GRB10: variants seen among roughly 807,000 people sequenced by gnomAD.
The protein encoded by GRB10 is growth factor receptor-bound protein 10.
GRB10 carries 20 observed loss-of-function variants against 80.9 expected under a neutral mutation model. The observed-to-expected ratio is 0.25, with a 90% CI of 0.17 to 0.36. The LOEUF (loss-of-function observed/expected upper bound fraction) is 0.36. Among genes scored for constraint, GRB10 ranks in the 10% least tolerant of loss-of-function variants. The pLI is 1.00. For missense variants in GRB10, 548 were observed against 747.7 expected (o/e 0.73, Z 3.12); for synonymous variants, 291 against 291.5 (o/e 1.00, Z 0.02).
Position 50,732,377 on chromosome 7 carries a change from A to C in GRB10, c.-46-9T>G. The C allele has an allele frequency of 6.6e-7, 1 of 1,522,642 alleles. No homozygotes were observed. The allele number at this position is 1,522,642 out of a possible 1,614,324, so 94.3% of individuals were successfully genotyped here. On this transcript the variant is annotated splice_polypyrimidine_tract_variant and intron_variant, in intron 3 of 18. Coordinates refer to ENST00000401949, the MANE Select transcript of GRB10 (RefSeq NM_001350814.2). ...TTACTGCGCTGCAGCACCTGGAATA[A>C]AGACAGACTGTGAGAAGCCAAGCCA...
intron 7 of GRB10, among the ~76,000 whole-genome samples, chr7:50,637,194 C>T (rs950697378): frequency 3.3e-5 from 5 of 152,122 alleles, no homozygotes; most frequent in African/African-American, 7.2e-5. Context: ...CCAGGCTGGT[C>T]TCGAACTCCT....
At chr7:50,781,917 G>A (rs528872134) in intron 1 of GRB10, among the ~76,000 whole-genome samples, 5 of 152,312 alleles carry the variant, frequency 3.3e-5, no homozygotes, top group Non-Finnish European at 7.3e-5. Context: ...TTGACTATAC[G>A]TGTTTACTCA....
upstream of GRB10, among the ~76,000 whole-genome samples, chr7:50,784,412 G>A (rs748388154): frequency 1.1e-4 from 16 of 152,172 alleles, no homozygotes; most frequent in Non-Finnish European, 2.4e-4. Context: ...AAGGTGGCTC[G>A]AGTGTTCCTC....
intron 8 of GRB10, among the ~76,000 whole-genome samples, chr7:50,623,260 G>A (rs1411491566): frequency 1.3e-5 from 2 of 152,222 alleles, no homozygotes; most frequent in Admixed American, 6.5e-5. Flanking sequence ...AGAACCTGGG[G>A]GCAGTGCTAA....
chr7:50,714,834 C>T (rs1254345592), intron 4 of GRB10, among the ~76,000 whole-genome samples: 1 of 152,110 alleles, frequency 6.6e-6, no homozygotes, highest in East Asian at 1.9e-4. Flanking sequence ...GAGAACCAAA[C>T]CATGTGCGGC....
In GRB10 at chr7:50,674,578, A is replaced by G; in HGVS notation, c.220T>C (p.Ser74Pro). Residue 74 changes from serine (S) to proline (P), a missense_variant, in exon 6 of 19, where the codon TCA (serine) becomes CCA (proline). Physicochemically the swap from Ser to Pro is moderately conservative, Grantham distance 74. Transcript: ENST00000401949. ...TTCTGCAGGAGGGGCACCGTGTCTG[A>G]CTGCATGCTGCAGGCCGAGTACAGG... is the stretch of plus-strand genomic sequence containing the variant. The part of the protein sequence containing the change: ...ESLYSACSMQ[S>P]DTVPLLQNGQ... The G allele has an allele frequency of 6.2e-7, 1 of 1,613,328 alleles. No homozygotes were observed. Among genetic ancestry groups the G allele is most frequent in the Non-Finnish European group, 8.5e-7 (1 of 1,180,034 alleles).
intron 2 of GRB10, among the ~76,000 whole-genome samples, chr7:50,765,879 T>C (rs7785914): frequency 0.63 from 95,412 of 151,588 alleles, 32,347 homozygotes; most frequent in Middle Eastern, 0.87. Context: ...GTGGGTATAT[T>C]AAGTACACTG....
intron 15 of GRB10, 181 bp downstream of exon 15, chr7:50,605,109 G>T (rs2048298669): frequency 1.6e-6 from 1 of 625,656 alleles, no homozygotes; most frequent in Non-Finnish European, 2.8e-6. Context: ...GAAAGGCTGG[G>T]TGCTGGGAAC....
intron 5 of GRB10, among the ~76,000 whole-genome samples, chr7:50,678,299 A>G (rs2061168261): frequency 6.6e-6 from 1 of 152,202 alleles, no homozygotes; most frequent in Admixed American, 6.5e-5. Flanking sequence ...TTGTACAACT[A>G]TTTTCTACTT....
intron 5 of GRB10, among the ~76,000 whole-genome samples, chr7:50,692,824 A>G (rs1419596538): frequency 6.6e-6 from 1 of 152,192 alleles, no homozygotes; most frequent in Non-Finnish European, 1.5e-5. Context: ...GCTTATACAT[A>G]TAGGTGTGTG....
At chr7:50,698,386 C>T (rs908111239) in intron 5 of GRB10, among the ~76,000 whole-genome samples, 9 of 152,216 alleles carry the variant, frequency 5.9e-5, no homozygotes, top group African/African-American at 1.9e-4. Context: ...AAAAGTCTTT[C>T]TTAGCCTAAG....
intron 4 of GRB10, among the ~76,000 whole-genome samples, chr7:50,713,511 T>A (rs895364033): frequency 7.5e-6 from 1 of 133,556 alleles, no homozygotes; most frequent in Non-Finnish European, 1.6e-5. Flanking sequence ...TCTCCTCTAC[T>A]ATCTCCACCA....
intron 7 of GRB10, among the ~76,000 whole-genome samples, chr7:50,667,653 A>G (rs1226550606): frequency 1.3e-5 from 2 of 151,206 alleles, no homozygotes; most frequent in African/African-American, 4.9e-5. Context: ...TATCCCTTCA[A>G]GCAAGTCGGG....
intron 2 of GRB10, among the ~76,000 whole-genome samples, chr7:50,757,187 T>C (rs748367403): frequency 2.0e-5 from 3 of 152,232 alleles, no homozygotes; most frequent in Non-Finnish European, 2.9e-5. Context: ...CATCTCCAGA[T>C]GCCACCCCTT....
upstream of GRB10, among the ~76,000 whole-genome samples, chr7:50,783,470 T>TCACATACATACATACACACCACA (rs1223794210): frequency 0.063 from 1,839 of 29,080 alleles, 31 homozygotes; most frequent in Middle Eastern, 0.088. Flanking sequence ...ACCCACCCAC[T>TCACATACATACATACACACCACA]CACATACATA....
intron 1 of GRB10, among the ~76,000 whole-genome samples, chr7:50,790,896 C>A (rs766691152): frequency 3.0e-4 from 46 of 152,334 alleles, no homozygotes; most frequent in Middle Eastern, 3.4e-3. Flanking sequence ...TCACCAAAAT[C>A]AAGTTCTGAG....
chr7:50,657,856 A>G (rs116577188), intron 7 of GRB10, among the ~76,000 whole-genome samples: 2,812 of 152,312 alleles, frequency 0.018, 112 homozygotes, highest in African/African-American at 0.064. Context: ...TGGATTTTCA[A>G]AACACTTTCA....
At chr7:50,715,299 C>T (rs896398918) in intron 4 of GRB10, among the ~76,000 whole-genome samples, 2 of 151,622 alleles carry the variant, frequency 1.3e-5, no homozygotes, top group African/African-American at 2.4e-5. Flanking sequence ...GGCAAGAGGA[C>T]GGCGGTTCAT....
chr7:50,738,974 T>A (rs543561305), intron 3 of GRB10, among the ~76,000 whole-genome samples: 2 of 152,200 alleles, frequency 1.3e-5, no homozygotes, highest in African/African-American at 4.8e-5. Context: ...TATATTAAAA[T>A]TTGTTTATTT....
Sources: allele counts gnomAD v4.1 joint callset (sites outside exome capture counted in the v4.1 genomes callset), GRCh38; gene constraint gnomAD v4.1.1; transcripts MANE v1.5; gene names NCBI Gene and HGNC (gene_info 2026-07-23, HGNC 2026-07-21).